Variants in CR1 observed in about 807,000 individuals in gnomAD.
CR1 encodes complement receptor type 1.
A neutral mutation model predicts 187.3 loss-of-function variants in CR1; 116 were observed. The observed-to-expected ratio is 0.62, with a 90% CI of 0.53 to 0.72. The LOEUF (loss-of-function observed/expected upper bound fraction) is 0.72, where lower values mean the gene tolerates loss of function less well. CR1 is among the 30% of genes least tolerant of loss of function. The probability of loss-of-function intolerance (pLI) is 0.00; values close to 1 mark genes in which losing one functional copy is unlikely to be tolerated. For synonymous variants in CR1, 576 were observed against 747.1 expected, an observed-to-expected ratio of 0.77 and a Z score of 3.73; for missense variants, 1,731 against 2,110.7, an observed-to-expected ratio of 0.82 and a Z score of 3.52.
intron 46 of CR1, among the ~76,000 whole-genome samples, chr1:207,632,319 A>G (rs1662669209): frequency 6.6e-6 from 1 of 152,212 alleles, no homozygotes; most frequent in Non-Finnish European, 1.5e-5. Flanking sequence ...TACATGGCTA[A>G]TGCTAATATA....
Position 207,639,511 on chromosome 1 carries a change from A to C in CR1, c.*102A>C. 1 of 1,196,430 alleles carries C rather than the reference A, an allele frequency of 8.4e-7. No individual in the cohort carries two copies. The highest frequency in any genetic ancestry group is 1.2e-6 in the Non-Finnish European group (1 of 831,942). The allele number at this position is 1,196,430 out of a possible 1,614,324, so 74.1% of individuals were successfully genotyped here. On this transcript the variant is annotated 3_prime_UTR_variant, in exon 47 of 47. Transcript: ENST00000367049. ...GATCTGAGCTTCATAAAGTCTTTGAAGTGACTTCACAGAGACGCAGACATG... is the reference window on the plus strand; with the variant it reads ...GATCTGAGCTTCATAAAGTCTTTGACGTGACTTCACAGAGACGCAGACATG...
chr1:207,511,311 A>G (rs1298543126), intron 3 of CR1, among the ~76,000 whole-genome samples: 1 of 152,232 alleles, frequency 6.6e-6, no homozygotes, highest in African/African-American at 2.4e-5. Flanking sequence ...AGGAAAAACT[A>G]CAATTCATCT....
At chr1:207,521,790 C>T (rs1420189455) in intron 4 of CR1, among the ~76,000 whole-genome samples, 3 of 144,388 alleles carry the variant, frequency 2.1e-5, no homozygotes, top group South Asian at 4.5e-4. Flanking sequence ...TGCACCACCA[C>T]ACCTACACAT....
intron 1 of CR1, among the ~76,000 whole-genome samples, chr1:207,499,418 A>G (rs1411340660): frequency 6.6e-6 from 1 of 152,336 alleles, no homozygotes; most frequent in African/African-American, 2.4e-5. Context: ...GGAGACTTCT[A>G]TGATATCTTT....
intron 41 of CR1, among the ~76,000 whole-genome samples, chr1:207,617,150 G>A (rs41387145): frequency 0.031 from 4,765 of 151,946 alleles, 257 homozygotes; most frequent in African/African-American, 0.11. Flanking sequence ...CTACTACTAC[G>A]AGTTATCTTT....
rs1661057369 is a variant in CR1, at chr1:207,584,678, C to T, written c.5332C>T (p.Leu1778Phe). ...CTTTTGTCCAAATCCTCCAGCTATC[C>T]TTAATGGGAGACACACAGGAACTCC... ...HIFCPNPPAI[L>F]NGRHTGTPSG... The change falls in exon 33 of 47, where the codon CTT (leucine) becomes TTT (phenylalanine). Residue 1778 changes from leucine to phenylalanine, a missense_variant. Physicochemically the swap from Leu to Phe is conservative, Grantham distance 22 (BLOSUM62 0). Coordinates refer to ENST00000367049, the MANE Select transcript of CR1 (RefSeq NM_000651.6). The T allele has an allele frequency of 5.0e-6, 8 of 1,613,626 alleles. No individual in the cohort carries two copies. Among genetic ancestry groups the T allele is most frequent in the Non-Finnish European group, 6.8e-6 (8 of 1,179,608 alleles).
rs1284127161 is a variant in CR1 at position 207,628,028 on chromosome 1, C to A, written c.7353-2489C>A. ...CTTTGAGATCCTATAGTAATTAGAT[C>A]CTATAAATTTTCAACATATAAATTT... is the stretch of plus-strand genomic sequence containing the variant. On this transcript the variant is annotated intron_variant, in intron 45 of 46. Transcript: ENST00000367049. 2.6e-5 allele frequency among the ~76,000 whole-genome samples: 4 copies of A among 152,228 alleles called. 1 individual carries two copies. Among genetic ancestry groups the A allele is most frequent in the South Asian group, 4.2e-4 (2 of 4,814 alleles).
chr1:207,523,457 T>C (rs1431158900), intron 4 of CR1, among the ~76,000 whole-genome samples, 154 bp from the exon 5 acceptor site: 1 of 152,222 alleles, frequency 6.6e-6, no homozygotes, highest in African/African-American at 2.4e-5. Flanking sequence ...ATTATGCCCA[T>C]TGAAGCTACA....
In CR1 at chr1:207,496,179, T is replaced by G; in HGVS notation, c.-89T>G. On this transcript the variant is annotated 5_prime_UTR_variant, in exon 1 of 47. It removes an upstream start codon present in the reference 5' UTR. Coordinates refer to ENST00000367049, the MANE Select transcript of CR1 (RefSeq NM_000651.6). Reference sequence around the variant, plus strand: ...CCCACACTCTGGGCGCGGAGCACAATGATTGGTCACTCCTATTTTCGCTGA... The same window carrying G: ...CCCACACTCTGGGCGCGGAGCACAAGGATTGGTCACTCCTATTTTCGCTGA... 1 of 1,607,052 alleles carries G rather than the reference T, an allele frequency of 6.2e-7. No homozygotes were observed. Among genetic ancestry groups the G allele is most frequent in the Non-Finnish European group, 8.5e-7 (1 of 1,177,078 alleles).
chr1:207,619,318 G>C (rs1287625943), intron 42 of CR1, among the ~76,000 whole-genome samples: 1 of 147,124 alleles, frequency 6.8e-6, no homozygotes, highest in Non-Finnish European at 1.5e-5. Context: ...AGGAGGTAGA[G>C]GTTGCTGTGA....
intron 45 of CR1, among the ~76,000 whole-genome samples, chr1:207,628,906 T>TAA (rs1479514064): frequency 6.6e-6 from 1 of 152,242 alleles, no homozygotes; most frequent in Admixed American, 6.5e-5. Flanking sequence ...GGTATTTCTT[T>TAA]AAGGGCATCT....
At chr1:207,625,271 T>G (rs1040259872) in intron 45 of CR1, among the ~76,000 whole-genome samples, 18 of 152,296 alleles carry the variant, frequency 1.2e-4, no homozygotes, top group Non-Finnish European at 1.9e-4. Context: ...TTCTTTAAAG[T>G]GTAATGTCCA....
At position 207,580,630 on chromosome 1, in the gene CR1, A is replaced by T. The variant is rs1232253992; in HGVS notation, c.5216+17A>T. 3.1e-6 allele frequency: 5 copies of T among 1,604,624 alleles called. No homozygotes were observed. Among genetic ancestry groups the T allele is most frequent in the Non-Finnish European group, 4.3e-6 (5 of 1,173,060 alleles). On this transcript the variant is annotated intron_variant, in intron 31 of 46. Transcript: ENST00000367049. ...TGATGAAGGGTAAGTGTGACCCAGA[A>T]TTCAGATCAGGGACTCAGCACTGCA...
chr1:207,524,625 CAA>C (rs909660336), intron 5 of CR1, among the ~76,000 whole-genome samples: 3 of 151,964 alleles, frequency 2.0e-5, no homozygotes, highest in Admixed American at 6.6e-5. Flanking sequence ...TCAGCTCAAG[CAA>C]TTCACCCACC....
intron 35 of CR1, among the ~76,000 whole-genome samples, chr1:207,604,460 C>T (rs1661690238): frequency 6.6e-6 from 1 of 152,170 alleles, no homozygotes; most frequent in Non-Finnish European, 1.5e-5. Flanking sequence ...TTATTTTTGA[C>T]ATTTAATCTT....
intron 37 of CR1, among the ~76,000 whole-genome samples, chr1:207,610,384 G>A (rs1661886929): frequency 6.6e-6 from 1 of 152,090 alleles, no homozygotes; most frequent in East Asian, 1.9e-4. Context: ...CCAGGCTGGA[G>A]TACAGTTGTA....
At chr1:207,581,263 CGTATACATATGGACACGTATAT>C (rs1660936985) in intron 31 of CR1, among the ~76,000 whole-genome samples, 35 of 138,662 alleles carry the variant, frequency 2.5e-4, no homozygotes, top group Admixed American at 5.0e-4. Flanking sequence ...TATATGTAGA[CGTATACATATGGACACGTATAT>C]GTATACGTAT....
Position 207,510,398 on chromosome 1 carries a change from C to T in CR1, c.402-1171C>T, listed in dbSNP as rs140501629. The stretch of plus-strand genomic sequence containing the variant: ...GTTGTTTGAATAAAGCTTTATGTTG[C>T]CAGGTTTTCTTACATACTCATAAAG... On this transcript the variant is annotated intron_variant, in intron 3 of 46. Coordinates refer to ENST00000367049, the MANE Select transcript of CR1 (RefSeq NM_000651.6). Among the ~76,000 whole-genome samples, 3 of 152,218 alleles carry T rather than the reference C, an allele frequency of 2.0e-5. No homozygotes were observed. The East Asian group carries it at 5.8e-4, about 29-fold the overall frequency.
chr1:207,520,675 T>C (rs1197987451), intron 4 of CR1, among the ~76,000 whole-genome samples: 1 of 152,226 alleles, frequency 6.6e-6, no homozygotes, highest in Non-Finnish European at 1.5e-5. Context: ...TACCCGCATA[T>C]GAGCTCTTTC....
Sources: gnomAD v4.1 joint callset for allele counts (sites outside exome capture counted in the v4.1 genomes callset) on GRCh38, gnomAD v4.1.1 for gene constraint, MANE v1.5 for transcripts, NCBI Gene and HGNC (gene_info 2026-07-23, HGNC 2026-07-21) for gene names.